SC5D: variants seen among roughly 807,000 people sequenced by gnomAD.
The protein encoded by SC5D is lathosterol oxidase.
In SC5D, 21 loss-of-function variants were observed where a neutral mutation model predicts 23.9. The observed-to-expected ratio is 0.88, with a 90% CI of 0.62 to 1.26. The LOEUF is 1.26. Among genes scored for constraint, SC5D ranks in the 50% most tolerant of loss-of-function variants. The pLI is 0.00. For synonymous variants in SC5D, 113 were observed against 125.9 expected (o/e 0.90, Z 0.68); for missense variants, 309 against 364.8 (o/e 0.85, Z 1.25).
rs567231597 is a variant in SC5D, at chr11:121,295,184, G to T, written c.-11+2368G>T. ...GGAAGTTTATTTTGCCAAGGTTAAG[G>T]ATTCACCCGTGACACAGCCTCAGGA... On this transcript the variant is annotated intron_variant, in intron 1 of 4. Transcript: ENST00000264027. Among the ~76,000 whole-genome samples, 5 of 152,304 alleles carry T rather than the reference G, an allele frequency of 3.3e-5. No homozygotes were observed. The South Asian group carries it at 1.0e-3, about 32-fold the overall frequency.
chr11:121,294,077 A>G lies in SC5D; in HGVS notation c.-11+1261A>G, dbSNP rs541313246. Among the ~76,000 whole-genome samples, 23 of 152,366 alleles carry G rather than the reference A, an allele frequency of 1.5e-4. No homozygotes were observed. In the East Asian group the frequency reaches 1.5e-3, roughly 10 times the overall value. ...CAATAAATATTAGCTATCATTTTCT[A>G]TACTTTTAAAGTAGGGCAAAAAGAT... On this transcript the variant is annotated intron_variant, in intron 1 of 4. Transcript: ENST00000264027.
chr11:121,293,380 G>C (rs1024886573), intron 1 of SC5D, among the ~76,000 whole-genome samples: 2 of 152,218 alleles, frequency 1.3e-5, no homozygotes, highest in African/African-American at 4.8e-5. Context: ...AAGGCCAGAA[G>C]AATCAGGCTG....
At chr11:121,295,782 C>A (rs1221868435) in intron 1 of SC5D, among the ~76,000 whole-genome samples, 2 of 152,154 alleles carry the variant, frequency 1.3e-5, no homozygotes, top group Non-Finnish European at 2.9e-5. Flanking sequence ...GCCAGTATTC[C>A]CTATTTCAAT....
chr11:121,294,257 A>G (rs1459850101), intron 1 of SC5D, among the ~76,000 whole-genome samples: 1 of 152,198 alleles, frequency 6.6e-6, no homozygotes, highest in Non-Finnish European at 1.5e-5. Flanking sequence ...TTCAGGGCTT[A>G]TAACCCCTTA....
intron 1 of SC5D, among the ~76,000 whole-genome samples, chr11:121,293,538 AT>A (rs961423652): frequency 3.9e-5 from 6 of 152,192 alleles, no homozygotes; most frequent in African/African-American, 1.4e-4. Context: ...AGGAAAAATA[AT>A]GTATACTGAC....
At chr11:121,299,513 T>C (rs1947912095) in intron 1 of SC5D, among the ~76,000 whole-genome samples, 1 of 152,250 alleles carries the variant, frequency 6.6e-6, no homozygotes. Flanking sequence ...ATTACATAAA[T>C]TGTTAATATA....
chr11:121,309,038 CTAATA>C lies in SC5D; in HGVS notation c.*1531_*1535del, dbSNP rs1424908587. Among the ~76,000 whole-genome samples, 1 of 152,200 alleles carries C rather than the reference CTAATA, an allele frequency of 6.6e-6. No individual in the cohort carries two copies. The highest frequency in any genetic ancestry group is 2.4e-5 in the African/African-American group (1 of 41,448). ...ATTAAGGAGAAGTAAACTTTATTTC[CTAATA>C]TAATGTCAGCTGATATTTATTGAGC... On this transcript the variant is annotated 3_prime_UTR_variant, in exon 5 of 5. Coordinates refer to ENST00000264027, the MANE Select transcript of SC5D (RefSeq NM_006918.5).
At chr11:121,304,633 A>T in intron 3 of SC5D, 140 bp downstream of exon 3, 1 of 740,554 alleles carries the variant, frequency 1.4e-6, no homozygotes, top group Non-Finnish European at 2.2e-6. Flanking sequence ...TTCTATTTTC[A>T]TGTGTTCATG....
chr11:121,304,476 T>C lies in SC5D; in HGVS notation c.326T>C (p.Leu109Pro), dbSNP rs1947948752. 6.2e-7 allele frequency: 1 copy of C among 1,613,436 alleles called. No homozygotes were observed. The highest frequency in any genetic ancestry group is 1.3e-5 in the African/African-American group (1 of 74,870). ...GGTTACAGCAAATTACATGATGACC[T>C]AGGAGAGTTTCCATATGGTAAGTAA... ...IRGYSKLHDD[L>P]GEFPYGLFEL... Residue 109 changes from leucine to proline, a missense_variant, in exon 3 of 5, where the codon CTA becomes CCA. By Grantham distance (98) the Leu-to-Pro change is moderately conservative. Coordinates refer to ENST00000264027, the MANE Select transcript of SC5D (RefSeq NM_006918.5).
At position 121,312,667 on chromosome 11, in the gene SC5D, C is replaced by G. The variant is rs1040883181; in HGVS notation, c.*5155C>G. ...TTCTTGAATAATTTTGTTATATCTT[C>G]CTCTTTTAGGCTGCAATGAGCTATA... On this transcript the variant is annotated 3_prime_UTR_variant, in exon 5 of 5. Transcript: ENST00000264027. Among the ~76,000 whole-genome samples, 1 of 152,090 alleles carries G rather than the reference C, an allele frequency of 6.6e-6. No homozygotes were observed. The highest frequency in any genetic ancestry group is 1.5e-5 in the Non-Finnish European group (1 of 67,988).
chr11:121,306,947 C>A, intron 4 of SC5D, 110 bp from the exon 5 acceptor site: 1 of 901,720 alleles, frequency 1.1e-6, no homozygotes, highest in South Asian at 1.3e-5. Context: ...AATAATTTTG[C>A]TGATCTCTAC....
chr11:121,295,797 A>G (rs1947884865), intron 1 of SC5D, among the ~76,000 whole-genome samples: 1 of 152,112 alleles, frequency 6.6e-6, no homozygotes, highest in South Asian at 2.1e-4. Context: ...TTCAATTACA[A>G]TGACATCACC....
At chr11:121,304,318 C>G in intron 2 of SC5D, 43 bp from the exon 3 acceptor site, 2 of 1,599,940 alleles carry the variant, frequency 1.3e-6, no homozygotes, top group South Asian at 2.2e-5. Flanking sequence ...TTTTGTTTAA[C>G]ATGGATTTTG....
intron 3 of SC5D, 52 bp from the exon 4 acceptor site, chr11:121,306,334 C>G: frequency 1.1e-6 from 1 of 909,286 alleles, no homozygotes; most frequent in Non-Finnish European, 1.8e-6. Context: ...AAAGTGAACT[C>G]TAATCCCAGG....
chr11:121,294,869 A>G (rs529205291), intron 1 of SC5D, among the ~76,000 whole-genome samples: 93 of 152,350 alleles, frequency 6.1e-4, no homozygotes, highest in African/African-American at 2.2e-3. Context: ...AGCTGTTACC[A>G]ACCTTTAGTG....
At chr11:121,306,752 A>C in intron 4 of SC5D, 1 of 622,080 alleles carries the variant, frequency 1.6e-6, no homozygotes, top group Non-Finnish European at 2.9e-6. Flanking sequence ...AGGTGGGAGG[A>C]TGGGAGAGGA....
chr11:121,304,659 A>G (rs1947950755), intron 3 of SC5D, 166 bp downstream of exon 3: 2 of 618,046 alleles, frequency 3.2e-6, no homozygotes, highest in Admixed American at 5.7e-5. Flanking sequence ...CCACATGTGC[A>G]TTTCTTTAGT....
intron 1 of SC5D, among the ~76,000 whole-genome samples, chr11:121,296,011 G>A (rs1947886499): frequency 6.6e-6 from 1 of 152,150 alleles, no homozygotes; most frequent in Non-Finnish European, 1.5e-5. Flanking sequence ...TAGTCTCCCT[G>A]CTTCTCACCG....
In SC5D at chr11:121,311,402, C is replaced by T. The variant is rs1363060031; in HGVS notation, c.*3890C>T. ...AAGTAATGAGAAATCAAAGATGGTC[C>T]CTACATCAAGGATAAACTATCTTTT... On this transcript the variant is annotated 3_prime_UTR_variant, in exon 5 of 5. Coordinates refer to ENST00000264027, the MANE Select transcript of SC5D (RefSeq NM_006918.5). Among the ~76,000 whole-genome samples, 3 of 152,050 alleles carry T rather than the reference C, an allele frequency of 2.0e-5. No homozygotes were observed. The highest frequency in any genetic ancestry group is 2.9e-5 in the Non-Finnish European group (2 of 68,010).
Sources: allele counts gnomAD v4.1 joint callset (sites outside exome capture counted in the v4.1 genomes callset), GRCh38; gene constraint gnomAD v4.1.1; transcripts MANE v1.5; gene names NCBI Gene and HGNC (gene_info 2026-07-23, HGNC 2026-07-21).